Variants in RRAS2 observed in about 807,000 individuals in gnomAD.
RRAS2 encodes the protein RAS related 2.
RRAS2 carries 7 observed loss-of-function variants against 27.6 expected under a neutral mutation model. The observed-to-expected ratio is 0.25, with a 90% CI of 0.14 to 0.48. The LOEUF is 0.48. Among genes scored for constraint, RRAS2 ranks in the 20% least tolerant of loss-of-function variants. The probability of loss-of-function intolerance (pLI) is 0.99; values close to 1 mark genes in which losing one functional copy is unlikely to be tolerated. For synonymous variants in RRAS2, 86 were observed against 90.9 expected (o/e 0.95, Z 0.31); for missense variants, 178 against 256.2 (o/e 0.69, Z 2.08).
chr11:14,329,068 TACACACACACAC>T (rs200695347), intron 1 of RRAS2, among the ~76,000 whole-genome samples: 7 of 141,710 alleles, frequency 4.9e-5, no homozygotes, highest in East Asian at 2.1e-4. Context: ...CACATATACA[TACACACACACAC>T]ACACACACAC....
chr11:14,334,286 C>T (rs1231186464), intron 1 of RRAS2, among the ~76,000 whole-genome samples: 3 of 151,804 alleles, frequency 2.0e-5, no homozygotes, highest in African/African-American at 4.8e-5. Flanking sequence ...TTACTTTGTC[C>T]TGGTTTTTTT....
chr11:14,305,262 G>A (rs552043588), intron 1 of RRAS2, among the ~76,000 whole-genome samples: 10 of 152,312 alleles, frequency 6.6e-5, no homozygotes, highest in African/African-American at 2.4e-4. Flanking sequence ...TTACAAACTG[G>A]TTCTATGACA....
chr11:14,304,048 T>C (rs564640540), intron 1 of RRAS2, among the ~76,000 whole-genome samples: 136 of 152,254 alleles, frequency 8.9e-4, no homozygotes, highest in African/African-American at 3.2e-3. Context: ...TTTAAGCTGG[T>C]TTCACCCAGC....
At chr11:14,329,068 TACACACACAC>T (rs200695347) in intron 1 of RRAS2, among the ~76,000 whole-genome samples, 42 of 141,710 alleles carry the variant, frequency 3.0e-4, no homozygotes, top group African/African-American at 6.9e-4. Flanking sequence ...CACATATACA[TACACACACAC>T]ACACACACAC....
chr11:14,310,673 G>A (rs1329770511), intron 1 of RRAS2, among the ~76,000 whole-genome samples: 1 of 152,134 alleles, frequency 6.6e-6, no homozygotes, highest in Non-Finnish European at 1.5e-5. Context: ...TAAGTAGGGT[G>A]ACCATATAAG....
rs1554955863 is a variant in RRAS2 at position 14,358,870 on chromosome 11, TG to T, written c.-1del. On this transcript the variant is annotated 5_prime_UTR_variant, in exon 1 of 6. Transcript: ENST00000256196. The surrounding 1 kb of genome is among the most constrained non-coding windows in gnomAD (Gnocchi z 5.1). ...CCGTCCCGCCAGCCGGCCGCGGCCA[TG>T]GGGACGCTACAGAGCCCAGCCTGAC... The T allele has an allele frequency of 1.4e-6, 2 of 1,457,390 alleles. No homozygotes were observed. The highest frequency in any genetic ancestry group is 2.5e-5 in the South Asian group (2 of 79,886). The allele number at this position is 1,457,390 out of a possible 1,614,324, so 90.3% of individuals were successfully genotyped here.
chr11:14,341,976 T>C (rs1848717466), intron 1 of RRAS2: 1 of 444,606 alleles, frequency 2.2e-6, no homozygotes, highest in African/African-American at 2.0e-5. Context: ...CATATGATAG[T>C]ATTCCTAAAC....
rs1353984763 is a variant in RRAS2 at position 14,277,975 on chromosome 11, C to T, written c.*1362G>A. On this transcript the variant is annotated 3_prime_UTR_variant, in exon 6 of 6. Transcript: ENST00000256196. ...GCACCTGAAGCTATACAAGGGTATG[C>T]TCTATAAACTTCATGGGACTGTTGT... 1.6e-4 allele frequency: 25 copies of T among 152,210 alleles called. No individual in the cohort carries two copies. Among genetic ancestry groups the T allele is most frequent in the African/African-American group, 6.0e-4 (25 of 41,452 alleles). 9.4% of individuals were successfully genotyped at this position (152,210 alleles called of 1,614,324 possible). A position where few individuals can be genotyped will look rare whatever the true frequency, so the allele number is the denominator to read the frequency against.
intron 4 of RRAS2, among the ~76,000 whole-genome samples, chr11:14,292,981 C>T (rs1847443553): frequency 1.3e-5 from 2 of 151,286 alleles, no homozygotes; most frequent in African/African-American, 4.9e-5. Flanking sequence ...CTGGCAGGCG[C>T]CTGTAGTCCC....
rs143532497 is a variant in RRAS2, at chr11:14,316,038, C to T, written c.109-20183G>A. On this transcript the variant is annotated intron_variant, in intron 1 of 5. Transcript: ENST00000256196. ...TAAACTAATAAAAAGACAAAAAAAA[C>T]GTAGTTCAGAAGAGATTTTAAAGCA... Among the ~76,000 whole-genome samples the T allele has an allele frequency of 2.1e-3, 319 of 150,568 alleles. 5 individuals carry two copies. The East Asian group carries it at 0.042, about 20-fold the overall frequency.
In RRAS2 at chr11:14,338,758, CAG is replaced by C. The variant is rs1848639684; in HGVS notation, c.108+20003_108+20004del. Among the ~76,000 whole-genome samples, 10 of 152,060 alleles carry C rather than the reference CAG, an allele frequency of 6.6e-5. 1 individual carries two copies. The South Asian group carries it at 2.1e-3, about 32-fold the overall frequency. On this transcript the variant is annotated intron_variant, in intron 1 of 5. Transcript: ENST00000256196. ...AAAGGGGTTTTGGGGATTTAAAGCT[CAG>C]AGTTACAGAAGGATACAGATACTAC...
At chr11:14,361,383 C>T (rs1554956164), upstream of RRAS2, among the ~76,000 whole-genome samples, 2 of 152,004 alleles carry the variant, frequency 1.3e-5, no homozygotes, top group East Asian at 1.9e-4. Flanking sequence ...ATAAGCAAAA[C>T]AAAATTGTTG....
intron 4 of RRAS2, among the ~76,000 whole-genome samples, chr11:14,293,124 AATAT>A (rs781860601): frequency 0.063 from 4,800 of 76,714 alleles, 222 homozygotes; most frequent in Middle Eastern, 0.13. Context: ...AAACAAAACA[AATAT>A]ATATATATAT....
At chr11:14,351,980 T>C (rs1554954857) in intron 1 of RRAS2, among the ~76,000 whole-genome samples, 1 of 152,048 alleles carries the variant, frequency 6.6e-6, no homozygotes, top group Admixed American at 6.5e-5. Flanking sequence ...GGTGGCATCA[T>C]GTCTTCAACT....
intron 1 of RRAS2, among the ~76,000 whole-genome samples, chr11:14,322,887 G>T: frequency 6.6e-6 from 1 of 152,046 alleles, no homozygotes; most frequent in African/African-American, 2.4e-5. Flanking sequence ...AAAAGTTAAA[G>T]AATGACCACT....
chr11:14,295,867 GA>G lies in RRAS2; in HGVS notation c.109-13del. 6.2e-7 allele frequency: 1 copy of G among 1,609,978 alleles called. No individual in the cohort carries two copies. The highest frequency in any genetic ancestry group is 8.5e-7 in the Non-Finnish European group (1 of 1,178,112). On this transcript the variant is annotated splice_polypyrimidine_tract_variant and intron_variant, in intron 1 of 5. Transcript: ENST00000256196. ...GTTACAAAATAGGACTGCAAGAAAAGAAAAAACTTTATTTTAAAATTCATGG... is the reference window on the plus strand; with the variant it reads ...GTTACAAAATAGGACTGCAAGAAAAGAAAAACTTTATTTTAAAATTCATGG...
intron 1 of RRAS2, among the ~76,000 whole-genome samples, chr11:14,304,881 C>T (rs1304808064): frequency 6.6e-6 from 1 of 152,208 alleles, no homozygotes; most frequent in Non-Finnish European, 1.5e-5. Context: ...GCAACATCCT[C>T]CCTTATTTTT....
upstream of RRAS2, among the ~76,000 whole-genome samples, chr11:14,359,448 G>A (rs1327514314): frequency 6.6e-6 from 1 of 152,200 alleles, no homozygotes; most frequent in Non-Finnish European, 1.5e-5. Flanking sequence ...ATGTGACGGC[G>A]TGTGCGAAAA....
intron 1 of RRAS2, among the ~76,000 whole-genome samples, chr11:14,308,830 A>G (rs1053982992): frequency 2.6e-5 from 4 of 152,216 alleles, no homozygotes; most frequent in Non-Finnish European, 4.4e-5. Context: ...TGAAGTAAAG[A>G]GCATGTATTT....
Sources: gnomAD v4.1 joint callset for allele counts (sites outside exome capture counted in the v4.1 genomes callset) on GRCh38, gnomAD v4.1.1 for gene constraint, Gnocchi (gnomAD v3.1) non-coding constraint, MANE v1.5 for transcripts, NCBI Gene and HGNC (gene_info 2026-07-23, HGNC 2026-07-21) for gene names.